Variants in TIAM2 observed in about 807,000 individuals in gnomAD.
TIAM2 encodes the protein TIAM Rac1 associated GEF 2.
TIAM2 carries 80 observed loss-of-function variants against 152.9 expected under a neutral mutation model. The observed-to-expected ratio is 0.52, with a 90% CI of 0.44 to 0.63. The LOEUF is 0.63. Ranked by LOEUF, TIAM2 falls within the 30% of genes least tolerant of loss-of-function variation. The pLI, the probability that TIAM2 is intolerant of heterozygous loss-of-function variation, is 0.00. For missense variants in TIAM2, 1,965 were observed against 2,120.1 expected (o/e 0.93, Z 1.44); for synonymous variants, 804 against 838.0 (o/e 0.96, Z 0.70).
chr6:155,126,468 A>T (rs1171669875), intron 2 of TIAM2, among the ~76,000 whole-genome samples: 1 of 152,176 alleles, frequency 6.6e-6, no homozygotes, highest in African/African-American at 2.4e-5. Flanking sequence ...GCGGTGGCTC[A>T]CGCCTGTAAT....
intron 2 of TIAM2, among the ~76,000 whole-genome samples, chr6:155,106,283 G>A (rs6913928): frequency 0.24 from 37,208 of 151,964 alleles, 4,835 homozygotes; most frequent in South Asian, 0.43. Flanking sequence ...GGGATTATAG[G>A]CGTAAGTCAC....
chr6:155,069,408 A>T (rs1389266664), intron 1 of TIAM2, among the ~76,000 whole-genome samples: 1 of 152,072 alleles, frequency 6.6e-6, no homozygotes, highest in Non-Finnish European at 1.5e-5. Flanking sequence ...AGTAAACTTT[A>T]TAGTAGATTT....
chr6:155,070,328 C>T (rs1223646305), intron 1 of TIAM2, among the ~76,000 whole-genome samples: 1 of 144,522 alleles, frequency 6.9e-6, no homozygotes, highest in East Asian at 2.1e-4. Context: ...TCAAACGATT[C>T]TCCTGCCTCA....
chr6:155,043,436 A>G (rs1182088981), intron 1 of TIAM2, among the ~76,000 whole-genome samples: 1 of 151,976 alleles, frequency 6.6e-6, no homozygotes, highest in East Asian at 1.9e-4. Context: ...GTTCGAGACT[A>G]GCCTGGGCAA....
intron 1 of TIAM2, among the ~76,000 whole-genome samples, chr6:155,077,552 T>G (rs1276104950): frequency 6.6e-6 from 1 of 152,200 alleles, no homozygotes; most frequent in East Asian, 1.9e-4. Flanking sequence ...TGTTAGCCTT[T>G]CGCTTGTTAA....
At chr6:155,081,685 C>T (rs577282661) in intron 1 of TIAM2, among the ~76,000 whole-genome samples, 103 of 152,278 alleles carry the variant, frequency 6.8e-4, no homozygotes, top group African/African-American at 2.3e-3. Flanking sequence ...GCTCAGCCTC[C>T]GTGAAAGGTT....
intron 18 of TIAM2, 141 bp downstream of exon 18, chr6:155,244,924 G>A (rs900946318): frequency 1.4e-5 from 15 of 1,081,576 alleles, no homozygotes; most frequent in South Asian, 7.0e-5. Flanking sequence ...TCCTTGCACC[G>A]TTTTCCTCTG....
intron 14 of TIAM2, among the ~76,000 whole-genome samples, chr6:155,188,753 C>T (rs909660807): frequency 6.6e-6 from 1 of 152,168 alleles, no homozygotes; most frequent in African/African-American, 2.4e-5. Context: ...TCTCATTGGG[C>T]ATAGAGTTTC....
At chr6:155,152,405 ACAGCCAGGGGGCGTT>A (rs1303611905) in intron 7 of TIAM2, among the ~76,000 whole-genome samples, 4 of 152,134 alleles carry the variant, frequency 2.6e-5, no homozygotes, top group African/African-American at 9.7e-5. Flanking sequence ...CACCCTGCTC[ACAGCCAGGGGGCGTT>A]CAGCTCCCGA....
intron 1 of TIAM2, among the ~76,000 whole-genome samples, chr6:154,997,188 T>G (rs907432308): frequency 1.1e-4 from 17 of 152,344 alleles, no homozygotes; most frequent in Non-Finnish European, 2.4e-4. Context: ...CTGTTCTTAC[T>G]CCTCTTGCCC....
At chr6:155,137,644 G>T in intron 5 of TIAM2, 32 bp downstream of exon 5, 1 of 1,523,368 alleles carries the variant, frequency 6.6e-7, no homozygotes, top group South Asian at 1.3e-5. Flanking sequence ...GAGGCCACTG[G>T]GGATTGTTTC....
rs1784048020 is a variant in TIAM2 at position 155,256,595 on chromosome 6, C to T, written c.4580C>T (p.Thr1527Ile). Residue 1527 changes from threonine to isoleucine, a missense_variant, in exon 27 of 27, where the codon ACC (threonine) becomes ATC (isoleucine). By Grantham distance (89) the Thr-to-Ile change is moderately conservative. Coordinates refer to ENST00000682666, the MANE Select transcript of TIAM2 (RefSeq NM_012454.4). ...DSDEGSLSSG[T>I]QSSGCPTAEG... The stretch of plus-strand genomic sequence containing the variant: ...GACGAGGGCAGCTTGAGCAGCGGCA[C>T]CCAGAGCAGCGGCTGCCCCACGGCT... 6.2e-7 allele frequency: 1 copy of T among 1,614,046 alleles called. No homozygotes were observed. The highest frequency in any genetic ancestry group is 8.5e-7 in the Non-Finnish European group (1 of 1,179,944).
At chr6:155,178,904 A>T (rs1465533029) in intron 10 of TIAM2, 135 bp from the exon 11 acceptor site, 1 of 715,692 alleles carries the variant, frequency 1.4e-6, no homozygotes, top group African/African-American at 1.8e-5. Context: ...TCGAGCTCTT[A>T]TATAGGTTTA....
Position 155,176,869 on chromosome 6 carries a change from C to T in TIAM2, c.2415C>T (p.Asp805=), listed in dbSNP as rs1053857125. 2 of 1,614,056 alleles carry T rather than the reference C, an allele frequency of 1.2e-6. No homozygotes were observed. ...CAACAGTAGACGGTGTTCCCCGAGA[C>T]AATGCATGGGAAATCCAGACTTATG... The part of the protein sequence containing the change: ...YGSTVDGVPR[D]NAWEIQTYVH... The change falls in exon 10 of 27, where the codon GAC becomes GAT. Residue 805 remains aspartate (D), a synonymous_variant. Transcript: ENST00000682666.
At chr6:155,127,045 C>A (rs1779312358) in intron 2 of TIAM2, among the ~76,000 whole-genome samples, 2 of 152,170 alleles carry the variant, frequency 1.3e-5, no homozygotes, top group Admixed American at 1.3e-4. Context: ...CCTCTACAAG[C>A]TAAATTATTT....
intron 14 of TIAM2, among the ~76,000 whole-genome samples, chr6:155,197,691 CCTT>C (rs1266092838): frequency 6.6e-6 from 1 of 152,034 alleles, no homozygotes; most frequent in East Asian, 1.9e-4. Context: ...GCAAACATGT[CCTT>C]CTTCACATGG....
intron 1 of TIAM2, among the ~76,000 whole-genome samples, chr6:155,065,006 A>G (rs1380616048): frequency 6.6e-6 from 1 of 152,086 alleles, no homozygotes; most frequent in African/African-American, 2.4e-5. Context: ...CCCAGGCTGG[A>G]GTGCAGTGGT....
intron 23 of TIAM2, among the ~76,000 whole-genome samples, chr6:155,252,240 T>G (rs1488427969): frequency 6.6e-6 from 1 of 152,138 alleles, no homozygotes; most frequent in African/African-American, 2.4e-5. Flanking sequence ...CTCAGCACTT[T>G]GGGAGGCTGA....
chr6:155,072,212 C>T (rs568625217), intron 1 of TIAM2, among the ~76,000 whole-genome samples: 10 of 152,236 alleles, frequency 6.6e-5, no homozygotes, highest in African/African-American at 2.2e-4. Context: ...GTTTCAAACT[C>T]GAGCATAACA....
Sources: gnomAD v4.1 joint callset for allele counts (sites outside exome capture counted in the v4.1 genomes callset) on GRCh38, gnomAD v4.1.1 for gene constraint, MANE v1.5 for transcripts, NCBI Gene and HGNC (gene_info 2026-07-23, HGNC 2026-07-21) for gene names.